Variants in NEK4 observed in about 807,000 individuals in gnomAD.
The protein encoded by NEK4 is NIMA related kinase 4.
In NEK4, 86 loss-of-function variants were observed where a neutral mutation model predicts 98.4. The ratio of observed to expected loss-of-function variants is 0.87; its 90% CI spans 0.73 to 1.05. The LOEUF is 1.05. Ranked by LOEUF, NEK4 falls within the 50% of genes least tolerant of loss-of-function variation. NEK4 has a pLI of 0.00. For synonymous variants in NEK4, 328 were observed against 342.2 expected, an observed-to-expected ratio of 0.96 and a Z score of 0.46; for missense variants, 898 against 950.3, an observed-to-expected ratio of 0.94 and a Z score of 0.72.
chr3:52,762,789 G>A (rs975205898), intron 5 of NEK4, among the ~76,000 whole-genome samples: 7 of 152,100 alleles, frequency 4.6e-5, no homozygotes, highest in African/African-American at 1.7e-4. Flanking sequence ...GCTGAGGCAG[G>A]AGAATTGCTT....
chr3:52,724,323 T>A (rs866093145), intron 15 of NEK4, among the ~76,000 whole-genome samples: 1 of 151,736 alleles, frequency 6.6e-6, no homozygotes, highest in South Asian at 2.1e-4. Flanking sequence ...AGAAGCAACT[T>A]ATCACATACA....
chr3:52,740,949 G>C (rs979068823), intron 13 of NEK4, among the ~76,000 whole-genome samples: 1 of 151,436 alleles, frequency 6.6e-6, no homozygotes, highest in African/African-American at 2.4e-5. Flanking sequence ...AGAAATAATG[G>C]CCAGGCGGGG....
chr3:52,763,274 T>C (rs893344685), intron 5 of NEK4, among the ~76,000 whole-genome samples, 196 bp downstream of exon 5: 1 of 152,254 alleles, frequency 6.6e-6, no homozygotes, highest in Non-Finnish European at 1.5e-5. Flanking sequence ...TCCTGTTAAA[T>C]TATAAGTTTA....
intron 7 of NEK4, among the ~76,000 whole-genome samples, chr3:52,750,952 T>A (rs571162206): frequency 3.6e-4 from 55 of 152,164 alleles, no homozygotes; most frequent in Non-Finnish European, 7.2e-4. Flanking sequence ...GAAATTTTTT[T>A]AAAAAAGGAA....
rs200752443 is a variant in NEK4 at position 52,709,181 on chromosome 3, C to CA, written c.*2595dup. ...CCTGGGCAACAAGAAGACTCCATCTCAAAAAAAAAAAAAAAAGAATGATTG... is the reference window on the plus strand; with the variant it reads ...CCTGGGCAACAAGAAGACTCCATCTCAAAAAAAAAAAAAAAAAGAATGATTG... On this transcript the variant is annotated 3_prime_UTR_variant, in exon 16 of 16. Coordinates refer to ENST00000233027, the MANE Select transcript of NEK4 (RefSeq NM_003157.6). 8,558 of 82,660 alleles carry CA rather than the reference C, an allele frequency of 0.1. 507 individuals are homozygous for CA. The highest frequency in any genetic ancestry group is 0.23 in the African/African-American group (5,384 of 23,518). 5.1% of individuals were successfully genotyped at this position (82,660 alleles called of 1,614,324 possible).
At chr3:52,714,173 C>T (rs1176468882) in intron 15 of NEK4, among the ~76,000 whole-genome samples, 1 of 152,170 alleles carries the variant, frequency 6.6e-6, no homozygotes, top group African/African-American at 2.4e-5. Context: ...GAGGCAGAGA[C>T]TGCAGTGAGC....
At chr3:52,747,018 A>G in intron 8 of NEK4, 114 bp from the exon 9 acceptor site, 1 of 772,488 alleles carries the variant, frequency 1.3e-6, no homozygotes, top group East Asian at 2.6e-5. Flanking sequence ...AACTTTCCTC[A>G]GTTTTAAAAA....
chr3:52,751,007 T>C (rs534588881), intron 7 of NEK4, among the ~76,000 whole-genome samples: 3 of 152,182 alleles, frequency 2.0e-5, no homozygotes, highest in Admixed American at 2.0e-4. Context: ...CTTGAAAACA[T>C]CAGGTTAAGT....
rs775927835 is a variant in NEK4, at chr3:52,752,268, C to T, written c.1032G>A (p.Leu344=). ...ASGLLKSPAS[L]KAHTCKQDLS... ...AGTCCTGTTTGCAGGTATGGGCTTT[C>T]AGACTGGCAGGTGACTTCAAGAGAC... Residue 344 remains leucine, a synonymous_variant, in exon 7 of 16, where the codon CTG becomes CTA. Coordinates refer to ENST00000233027, the MANE Select transcript of NEK4 (RefSeq NM_003157.6). The T allele has an allele frequency of 8.7e-6, 14 of 1,614,178 alleles. No individual in the cohort carries two copies. The South Asian group carries it at 1.5e-4, about 18-fold the overall frequency.
intron 15 of NEK4, among the ~76,000 whole-genome samples, chr3:52,720,252 A>G (rs2590836): frequency 2.6e-5 from 4 of 152,090 alleles, no homozygotes; most frequent in Admixed American, 1.3e-4. Context: ...CCAAGAACCC[A>G]GGAGATGGAG....
At position 52,744,425 on chromosome 3, in the gene NEK4, C is replaced by T. The variant is rs1297828708; in HGVS notation, c.1828-120G>A. On this transcript the variant is annotated intron_variant, in intron 10 of 15. Coordinates refer to ENST00000233027, the MANE Select transcript of NEK4 (RefSeq NM_003157.6). ...TCTGAGCTGGATGCGGTGGCTCACA[C>T]TTGTAATCCCAGCACTCTGGGAGGC... 5 of 803,528 alleles carry T rather than the reference C, an allele frequency of 6.2e-6. No individual in the cohort carries two copies. The East Asian group carries it at 1.0e-4, about 16-fold the overall frequency. 49.8% of individuals were successfully genotyped at this position (803,528 alleles called of 1,614,324 possible).
chr3:52,763,406 TA>T, intron 5 of NEK4, 63 bp downstream of exon 5: 1 of 1,456,010 alleles, frequency 6.9e-7, no homozygotes, highest in Non-Finnish European at 9.3e-7. Flanking sequence ...ATATGAATAT[TA>T]CAGAAGCCAC....
chr3:52,745,764 C>T (rs1336222038), intron 10 of NEK4, among the ~76,000 whole-genome samples: 1 of 152,116 alleles, frequency 6.6e-6, no homozygotes, highest in African/African-American at 2.4e-5. Context: ...GCTCTGTCAC[C>T]CAGGCTGAAG....
In NEK4 at chr3:52,746,908, A is replaced by T; in HGVS notation, c.1507-4T>A. 1.2e-6 allele frequency: 2 copies of T among 1,606,886 alleles called. No homozygotes were observed. The highest frequency in any genetic ancestry group is 1.7e-4 in the Middle Eastern group (1 of 5,992). ...TACATTCACCAGCAACTTGATCCTT[A>T]AAAACAATAAAATGACATTTTAAAG... On this transcript the variant is annotated splice_region_variant and splice_polypyrimidine_tract_variant and intron_variant, in intron 8 of 15. Transcript: ENST00000233027.
intron 11 of NEK4, 119 bp downstream of exon 11, chr3:52,744,120 T>C (rs2097391424): frequency 1.3e-6 from 1 of 751,296 alleles, no homozygotes. Flanking sequence ...TCCAACTCGA[T>C]TTCCTACATG....
chr3:52,708,878 C>T lies in NEK4; in HGVS notation c.*2899G>A, dbSNP rs1425102166. On this transcript the variant is annotated 3_prime_UTR_variant, in exon 16 of 16. Transcript: ENST00000233027. ...AAATCAAAACTTCTAAAAGAGAAAA[C>T]CGAAATCAGAATTACTGACACTTTA... is the stretch of plus-strand genomic sequence containing the variant. 1.3e-5 allele frequency: 2 copies of T among 152,162 alleles called. No homozygotes were observed. Among genetic ancestry groups the T allele is most frequent in the South Asian group, 2.1e-4 (1 of 4,822 alleles). 9.4% of individuals were successfully genotyped at this position (152,162 alleles called of 1,614,324 possible).
rs535990127 is a variant in NEK4 at position 52,763,934 on chromosome 3, T to C, written c.667-310A>G. On this transcript the variant is annotated intron_variant, in intron 4 of 15. Coordinates refer to ENST00000233027, the MANE Select transcript of NEK4 (RefSeq NM_003157.6). ...GTACTGTTCTTGCAGTAGTAAACAA[T>C]TGGAAACATAAATGTCCCTTAGGGG... is the stretch of plus-strand genomic sequence containing the variant. Among the ~76,000 whole-genome samples the C allele has an allele frequency of 1.4e-3, 206 of 152,328 alleles. 4 individuals carry two copies. The highest frequency in any genetic ancestry group is 4.4e-3 in the African/African-American group (183 of 41,584).
intron 15 of NEK4, among the ~76,000 whole-genome samples, chr3:52,717,598 G>A (rs570443702): frequency 2.0e-5 from 3 of 151,970 alleles, no homozygotes; most frequent in East Asian, 3.9e-4. Flanking sequence ...GAGTGCCATT[G>A]TCTCCACCCA....
chr3:52,734,917 AG>A, intron 15 of NEK4: 1 of 218,500 alleles, frequency 4.6e-6, no homozygotes, highest in Non-Finnish European at 9.2e-6. Context: ...CCAAAAAAAA[AG>A]GGGTAATGGA....
Sources: allele counts gnomAD v4.1 joint callset (sites outside exome capture counted in the v4.1 genomes callset), GRCh38; gene constraint gnomAD v4.1.1; transcripts MANE v1.5; gene names NCBI Gene and HGNC (gene_info 2026-07-23, HGNC 2026-07-21).